LSM12: variants seen among roughly 807,000 people sequenced by gnomAD.
The protein encoded by LSM12 is LSM12 homolog.
For synonymous variants in LSM12, 74 were observed against 87.3 expected (o/e 0.85, Z 0.85); for missense variants, 108 against 238.9 (o/e 0.45, Z 3.61).
chr17:44,066,611 C>T lies in LSM12; in HGVS notation c.-24G>A. The T allele has an allele frequency of 1.5e-6, 2 of 1,324,488 alleles. No individual in the cohort carries two copies. Among genetic ancestry groups the T allele is most frequent in the Non-Finnish European group, 1.9e-6 (2 of 1,033,562 alleles). 82.0% of individuals were successfully genotyped at this position (1,324,488 alleles called of 1,614,324 possible). A position where few individuals can be genotyped will look rare whatever the true frequency, so the allele number is the denominator to read the frequency against. ...ATCTTGGGAGTGCAGCCGCGGCCGG[C>T]GGCGGCGGCGGCAGCAGCGGGCGAA... On this transcript the variant is annotated 5_prime_UTR_variant, in exon 1 of 5. Coordinates refer to ENST00000293406, the MANE Select transcript of LSM12 (RefSeq NM_001371445.1).
At chr17:44,061,108 G>C (rs1045525173) in intron 2 of LSM12, among the ~76,000 whole-genome samples, 4 of 151,926 alleles carry the variant, frequency 2.6e-5, no homozygotes, top group Admixed American at 2.6e-4. Flanking sequence ...ACCTGAGGTC[G>C]GGAGTTCGAG....
rs1395644094 is a variant in LSM12 at position 44,042,740 on chromosome 17, T to C, written c.259-2484A>G. Among the ~76,000 whole-genome samples the C allele has an allele frequency of 2.6e-5, 4 of 152,260 alleles. No homozygotes were observed. The East Asian group carries it at 5.8e-4, about 22-fold the overall frequency. ...CCACCACGCCCAGCTAATTTTTTTG[T>C]AGTTTTTTAGTAGAGATGGGGTTTC... On this transcript the variant is annotated intron_variant, in intron 2 of 4. Coordinates refer to ENST00000293406, the MANE Select transcript of LSM12 (RefSeq NM_001371445.1).
chr17:44,060,511 T>C (rs982518006), intron 2 of LSM12, among the ~76,000 whole-genome samples: 6 of 152,158 alleles, frequency 3.9e-5, no homozygotes, highest in Admixed American at 3.9e-4. Flanking sequence ...CTCATAAACA[T>C]CTCTGCAAAC....
At chr17:44,039,156 G>T (rs1011534058) in intron 3 of LSM12, among the ~76,000 whole-genome samples, 3 of 152,078 alleles carry the variant, frequency 2.0e-5, no homozygotes, top group African/African-American at 7.2e-5. Flanking sequence ...CAGGGTTCAA[G>T]CGAATCTCCT....
At chr17:44,046,645 TG>T (rs894419936) in intron 2 of LSM12, among the ~76,000 whole-genome samples, 10 of 140,028 alleles carry the variant, frequency 7.1e-5, no homozygotes, top group Non-Finnish European at 1.4e-4. Context: ...AGGCGGAGCT[TG>T]CAGTGAGCTG....
chr17:44,066,171 C>T (rs2049872127), intron 1 of LSM12, among the ~76,000 whole-genome samples: 1 of 151,778 alleles, frequency 6.6e-6, no homozygotes, highest in South Asian at 2.1e-4. Flanking sequence ...ACTGTGTCCC[C>T]TCTCATAACG....
rs1188069733 is a variant in LSM12 at position 44,034,365 on chromosome 17, C to A, written c.*1843G>T. 6.6e-6 allele frequency among the ~76,000 whole-genome samples: 1 copy of A among 150,858 alleles called. No homozygotes were observed. The highest frequency in any genetic ancestry group is 1.9e-4 in the East Asian group (1 of 5,200). ...GAAAGTTTACTTCTCAGCTCGCCGA[C>A]CATTTGTGCCTCCAAACAGTCCTGT... On this transcript the variant is annotated 3_prime_UTR_variant, in exon 5 of 5. Coordinates refer to ENST00000293406, the MANE Select transcript of LSM12 (RefSeq NM_001371445.1).
upstream of LSM12, among the ~76,000 whole-genome samples, chr17:44,066,980 T>C (rs2049888908): frequency 6.6e-6 from 1 of 152,200 alleles, no homozygotes; most frequent in Admixed American, 6.5e-5. Flanking sequence ...AATCAGAGCC[T>C]CAGAGGACTT....
Position 44,036,197 on chromosome 17 carries a change from T to C in LSM12, c.*11A>G, listed in dbSNP as rs1409410202. ...GGCTGGATGCTGGAAGAGTCCTCCA[T>C]GTGTACGGACTCAGGATGACAGGGC... On this transcript the variant is annotated 3_prime_UTR_variant, in exon 5 of 5. Transcript: ENST00000293406. 1.1e-5 allele frequency: 17 copies of C among 1,609,758 alleles called. No homozygotes were observed. Among genetic ancestry groups the C allele is most frequent in the Non-Finnish European group, 1.4e-5 (17 of 1,178,286 alleles).
chr17:44,045,579 T>G (rs2049551981), intron 2 of LSM12, among the ~76,000 whole-genome samples: 2 of 152,242 alleles, frequency 1.3e-5, no homozygotes, highest in Admixed American at 1.3e-4. Flanking sequence ...TTTTGTTTTT[T>G]GTGTTTTCTG....
chr17:44,056,884 G>A (rs1328734910), intron 2 of LSM12, among the ~76,000 whole-genome samples: 1 of 151,802 alleles, frequency 6.6e-6, no homozygotes, highest in Non-Finnish European at 1.5e-5. Context: ...CCAGCTACTT[G>A]GGAGGCTGAG....
chr17:44,063,129 GCATGCATGT>G (rs2049822040), intron 2 of LSM12, among the ~76,000 whole-genome samples: 1 of 151,836 alleles, frequency 6.6e-6, no homozygotes, highest in Non-Finnish European at 1.5e-5. Context: ...GCATGGTGAC[GCATGCATGT>G]AATCCCAGCT....
Position 44,037,915 on chromosome 17 carries a change from A to G in LSM12, c.369-377T>C, listed in dbSNP as rs115621594. Among the ~76,000 whole-genome samples the G allele has an allele frequency of 3.8e-3, 573 of 152,340 alleles. 5 individuals are homozygous for G. Among genetic ancestry groups the G allele is most frequent in the African/African-American group, 0.013 (552 of 41,582 alleles). On this transcript the variant is annotated intron_variant, in intron 3 of 4. Coordinates refer to ENST00000293406, the MANE Select transcript of LSM12 (RefSeq NM_001371445.1). ...AAACATTTTAGGCTTTGCAGTCCAT[A>G]TCATCTGTTACAACTAGCACTGAGT...
At chr17:44,041,287 AC>A (rs1335069010) in intron 2 of LSM12, among the ~76,000 whole-genome samples, 14 of 91,898 alleles carry the variant, frequency 1.5e-4, no homozygotes, top group African/African-American at 2.8e-4. Context: ...AAAAAAAAAA[AC>A]AAACACACAC....
At chr17:44,041,334 A>AACAC (rs1389054042) in intron 2 of LSM12, among the ~76,000 whole-genome samples, 16,299 of 103,226 alleles carry the variant, frequency 0.16, 1,425 homozygotes, top group African/African-American at 0.25. Context: ...CACACACACA[A>AACAC]ACACACACAC....
upstream of LSM12, chr17:44,067,526 T>C (rs2049894324): frequency 6.6e-6 from 1 of 152,176 alleles, no homozygotes; most frequent in Admixed American, 6.5e-5. Context: ...ATGTCCTCCT[T>C]TTACATAAAC....
At chr17:44,043,700 G>A (rs752677933) in intron 2 of LSM12, among the ~76,000 whole-genome samples, 11 of 151,948 alleles carry the variant, frequency 7.2e-5, no homozygotes, top group Non-Finnish European at 1.3e-4. Flanking sequence ...CCAGCGCTGT[G>A]GCTCACGCCT....
intron 2 of LSM12, among the ~76,000 whole-genome samples, chr17:44,058,423 C>T (rs1259242558): frequency 2.0e-5 from 3 of 152,048 alleles, no homozygotes; most frequent in African/African-American, 7.3e-5. Context: ...TACCTAGGGG[C>T]TGGGCCAGTG....
chr17:44,049,475 G>A (rs117075781), intron 2 of LSM12, among the ~76,000 whole-genome samples: 5,099 of 152,042 alleles, frequency 0.034, 114 homozygotes, highest in Non-Finnish European at 0.052. Context: ...ATGGGGTCTT[G>A]CTATATTGCC....
Sources: gnomAD v4.1 joint callset for allele counts (sites outside exome capture counted in the v4.1 genomes callset) on GRCh38, gnomAD v4.1.1 for gene constraint, MANE v1.5 for transcripts, NCBI Gene and HGNC (gene_info 2026-07-23, HGNC 2026-07-21) for gene names.